The following CADPS variants were observed in gnomAD, a reference collection of about 807,000 sequenced individuals.
CADPS encodes calcium dependent secretion activator, also known as calcium-dependent secretion activator 1.
A neutral mutation model predicts 167.3 loss-of-function variants in CADPS; 57 were observed. The observed-to-expected ratio is 0.34, with a 90% CI of 0.28 to 0.42. CADPS has a LOEUF of 0.42. CADPS is among the 20% of genes least tolerant of loss of function. The pLI, the probability that CADPS is intolerant of heterozygous loss-of-function variation, is 1.00. For missense variants in CADPS, 1,414 were observed against 1,738.1 expected (o/e 0.81, Z 3.32); for synonymous variants, 676 against 635.3 (o/e 1.06, Z -0.96).
Position 62,571,021 on chromosome 3 carries a change from C to CT in CADPS, c.1578-84dup, listed in dbSNP as rs534029911. ...ACACACTTTGCCGTGAAGCTTGGTA[C>CT]TTATAAACAAGGAAACGCACATGGC... On this transcript the variant is annotated intron_variant, in intron 8 of 29. Transcript: ENST00000383710. 282 of 948,622 alleles carry CT rather than the reference C, an allele frequency of 3.0e-4. No individual in the cohort carries two copies. The African/African-American group carries it at 4.3e-3, about 15-fold the overall frequency. The allele number at this position is 948,622 out of a possible 1,614,324, so 58.8% of individuals were successfully genotyped here. A position where few individuals can be genotyped will look rare whatever the true frequency, so the allele number is the denominator to read the frequency against.
At chr3:62,752,402 G>A (rs1163840456) in intron 3 of CADPS, among the ~76,000 whole-genome samples, 2 of 152,198 alleles carry the variant, frequency 1.3e-5, no homozygotes, top group Non-Finnish European at 2.9e-5. Flanking sequence ...TGTGATGCAT[G>A]TGTTGTATTA....
intron 6 of CADPS, among the ~76,000 whole-genome samples, chr3:62,617,358 A>G: frequency 6.6e-6 from 1 of 152,164 alleles, no homozygotes; most frequent in East Asian, 1.9e-4. Context: ...AAAAAAATAT[A>G]TGGATGAACA....
chr3:62,589,446 C>T (rs918339696), intron 7 of CADPS, among the ~76,000 whole-genome samples: 10 of 152,246 alleles, frequency 6.6e-5, no homozygotes, highest in Non-Finnish European at 1.3e-4. Context: ...GTGTGTGGGG[C>T]TGTGGCAAGC....
intron 20 of CADPS, 73 bp from the exon 21 acceptor site, chr3:62,491,553 ACACAAAC>A: frequency 2.1e-6 from 2 of 930,598 alleles, no homozygotes; most frequent in Non-Finnish European, 3.2e-6. Flanking sequence ...ACACACACAC[ACACAAAC>A]ACACACACAC....
At chr3:62,437,726 T>A (rs1016182718) in intron 28 of CADPS, among the ~76,000 whole-genome samples, 3 of 151,858 alleles carry the variant, frequency 2.0e-5, no homozygotes, top group Admixed American at 1.3e-4. Flanking sequence ...GGAGAGGGAG[T>A]TGGTCTCAGC....
intron 26 of CADPS, among the ~76,000 whole-genome samples, chr3:62,447,320 A>C (rs923503583): frequency 1.3e-5 from 2 of 152,222 alleles, no homozygotes; most frequent in African/African-American, 2.4e-5. Context: ...AATTATCGAG[A>C]GGGCAATGCA....
chr3:62,511,677 A>G (rs2067859631), intron 17 of CADPS, among the ~76,000 whole-genome samples: 1 of 151,994 alleles, frequency 6.6e-6, no homozygotes, highest in South Asian at 2.1e-4. Flanking sequence ...TTCAATCCTT[A>G]CCATCTCGTG....
intron 29 of CADPS, among the ~76,000 whole-genome samples, chr3:62,400,771 T>C (rs1705743307): frequency 6.6e-6 from 1 of 152,054 alleles, no homozygotes; most frequent in African/African-American, 2.4e-5. Flanking sequence ...AACTAATTTT[T>C]GTATTTTTAG....
At chr3:62,861,927 T>C (rs1030061207) in intron 1 of CADPS, among the ~76,000 whole-genome samples, 2 of 152,196 alleles carry the variant, frequency 1.3e-5, no homozygotes, top group African/African-American at 4.8e-5. Context: ...TGTATCACAC[T>C]GCTATCACTT....
intron 26 of CADPS, among the ~76,000 whole-genome samples, chr3:62,463,879 C>T (rs2059652722): frequency 6.6e-6 from 1 of 152,144 alleles, no homozygotes; most frequent in Admixed American, 6.6e-5. Context: ...GAATTCAATC[C>T]TCGTACCTGG....
chr3:62,451,721 C>A (rs1553757898), intron 26 of CADPS, among the ~76,000 whole-genome samples: 1 of 152,144 alleles, frequency 6.6e-6, no homozygotes, highest in Non-Finnish European at 1.5e-5. Context: ...TGTCCTTTGC[C>A]TAGATACTGC....
intron 28 of CADPS, among the ~76,000 whole-genome samples, chr3:62,410,144 A>T (rs2048684259): frequency 6.6e-6 from 1 of 152,164 alleles, no homozygotes; most frequent in South Asian, 2.1e-4. Flanking sequence ...GAGCTCTTTA[A>T]AAAAATAATG....
intron 6 of CADPS, among the ~76,000 whole-genome samples, chr3:62,644,379 C>A (rs2068074926): frequency 1.3e-5 from 2 of 152,072 alleles, no homozygotes; most frequent in African/African-American, 2.4e-5. Flanking sequence ...AATGATCTCT[C>A]AAGAATCTTT....
At chr3:62,568,737 T>C (rs1301600550) in intron 9 of CADPS, among the ~76,000 whole-genome samples, 2 of 152,230 alleles carry the variant, frequency 1.3e-5, no homozygotes, top group Non-Finnish European at 2.9e-5. Context: ...TATATACATA[T>C]ATCCTATTGG....
At position 62,621,757 on chromosome 3, in the gene CADPS, T is replaced by A. The variant is rs1326467644; in HGVS notation, c.1325+23965A>T. 3.3e-5 allele frequency among the ~76,000 whole-genome samples: 5 copies of A among 152,056 alleles called. No individual in the cohort carries two copies. The East Asian group carries it at 5.8e-4, about 18-fold the overall frequency. On this transcript the variant is annotated intron_variant, in intron 6 of 29. Transcript: ENST00000383710. The stretch of plus-strand genomic sequence containing the variant: ...CTTCCTTGCACCCTCTACCCTCCGA[T>A]AGGCCCCAGTGTGCGTTATTCCCCT...
rs2054340144 is a variant in CADPS at position 62,433,309 on chromosome 3, T to C, written c.3777+4795A>G. Among the ~76,000 whole-genome samples the C allele has an allele frequency of 6.6e-6, 1 of 152,148 alleles. No homozygotes were observed. Among genetic ancestry groups the C allele is most frequent in the African/African-American group, 2.4e-5 (1 of 41,430 alleles). On this transcript the variant is annotated intron_variant, in intron 28 of 29. Transcript: ENST00000383710. The surrounding 1 kb of genome is among the most constrained non-coding windows in gnomAD (Gnocchi z 4.7). ...TGTTCTGCCACACAAACTGGACAAA[T>C]ACACGATTTGAAAATGGAACAGCAA...
At chr3:62,785,891 C>T (rs2092368065) in intron 1 of CADPS, among the ~76,000 whole-genome samples, 1 of 134,570 alleles carries the variant, frequency 7.4e-6, no homozygotes, top group South Asian at 2.5e-4. Flanking sequence ...ATCTAGGACA[C>T]AAAGAAAAAC....
intron 13 of CADPS, chr3:62,530,745 A>C: frequency 1.6e-6 from 2 of 1,288,794 alleles, no homozygotes; most frequent in Non-Finnish European, 2.0e-6. Flanking sequence ...TCAGGTGGGG[A>C]GGGAGTTTTG....
intron 14 of CADPS, 152 bp from the exon 15 acceptor site, chr3:62,516,795 A>G: frequency 1.7e-6 from 1 of 593,868 alleles, no homozygotes; most frequent in Non-Finnish European, 3.1e-6. Flanking sequence ...TTCACACCAT[A>G]TATGTGTGTA....
Sources: gnomAD v4.1 joint callset for allele counts (sites outside exome capture counted in the v4.1 genomes callset) on GRCh38, gnomAD v4.1.1 for gene constraint, Gnocchi (gnomAD v3.1) non-coding constraint, MANE v1.5 for transcripts, NCBI Gene and HGNC (gene_info 2026-07-23, HGNC 2026-07-21) for gene names.